Variants in RPL22L1 observed in about 807,000 individuals in gnomAD.
RPL22L1 encodes the protein ribosomal protein eL22-like.
A neutral mutation model predicts 17.3 loss-of-function variants in RPL22L1; 19 were observed. The ratio of observed to expected loss-of-function variants is 1.10; its 90% CI spans 0.77 to 1.61. The LOEUF is 1.61. Ranked by LOEUF, RPL22L1 falls within the 40% of genes most tolerant of loss-of-function variation. The pLI is 0.00. For synonymous variants in RPL22L1, 48 were observed against 48.5 expected (o/e 0.99, Z 0.05); for missense variants, 139 against 144.4 (o/e 0.96, Z 0.19).
In RPL22L1 at chr3:170,870,153, A is replaced by C. The variant is rs750615835; in HGVS notation, c.9+6T>G. 2 of 1,613,964 alleles carry C rather than the reference A, an allele frequency of 1.2e-6. No individual in the cohort carries two copies. Among genetic ancestry groups the C allele is most frequent in the African/African-American group, 1.3e-5 (1 of 75,022 alleles). ...CAACACTCCCACCAAGACATCGCTCACTCACCGGCGCCATCTTGCGAGTCG... is the reference window on the plus strand; with the variant it reads ...CAACACTCCCACCAAGACATCGCTCCCTCACCGGCGCCATCTTGCGAGTCG... On this transcript the variant is annotated splice_donor_region_variant and intron_variant, in intron 1 of 3. Transcript: ENST00000295830.
chr3:170,868,121 C>A lies in RPL22L1; in HGVS notation c.116G>T (p.Arg39Leu). 6.2e-7 allele frequency: 1 copy of A among 1,605,670 alleles called. No homozygotes were observed. The highest frequency in any genetic ancestry group is 8.5e-7 in the Non-Finnish European group (1 of 1,175,280). The change falls in exon 3 of 4, where the codon CGG becomes CTG. Residue 39 changes from arginine (R) to leucine (L), a missense_variant. Physicochemically the swap from Arg to Leu is moderately radical, Grantham distance 102. Transcript: ENST00000295830. ...TTTGCCATTGACTTTAACCTTCTCC[C>A]GTAGAAATTGCTCCTATTTTAAAAC... ...FDSGNFEQFL[R>L]EKVKVNGKTG... is the part of the protein sequence containing the mutation.
At chr3:170,868,565 C>T (rs1409135951) in intron 1 of RPL22L1, among the ~76,000 whole-genome samples, 175 bp from the exon 2 acceptor site, 1 of 152,000 alleles carries the variant, frequency 6.6e-6, no homozygotes, top group Admixed American at 6.6e-5. Flanking sequence ...TTGATTTGAA[C>T]CTCTAACCAA....
chr3:170,866,579 G>A, intron 3 of RPL22L1, 55 bp from the exon 4 acceptor site: 3 of 1,327,692 alleles, frequency 2.3e-6, no homozygotes, highest in Non-Finnish European at 2.1e-6. Flanking sequence ...ACTATGTAAA[G>A]GTTTACTATA....
chr3:170,868,717 G>C (rs1711866225), intron 1 of RPL22L1, among the ~76,000 whole-genome samples: 2 of 149,984 alleles, frequency 1.3e-5, no homozygotes, highest in Non-Finnish European at 3.0e-5. Flanking sequence ...CCCAAGCTCA[G>C]GTAAGTGCCA....
At chr3:170,868,471 T>C (rs1471669221) in intron 1 of RPL22L1, 81 bp from the exon 2 acceptor site, 1 of 848,938 alleles carries the variant, frequency 1.2e-6, no homozygotes, top group Admixed American at 2.2e-5. Flanking sequence ...TTTGTACCAA[T>C]GCAATCTGTA....
In RPL22L1 at chr3:170,866,348, A is replaced by G. The variant is rs1303676548; in HGVS notation, c.*32T>C. 2.0e-6 allele frequency: 3 copies of G among 1,524,246 alleles called. No homozygotes were observed. The Admixed American group carries it at 6.5e-5, about 33-fold the overall frequency. The allele number at this position is 1,524,246 out of a possible 1,614,324, so 94.4% of individuals were successfully genotyped here. A position where few individuals can be genotyped will look rare whatever the true frequency, so the allele number is the denominator to read the frequency against. On this transcript the variant is annotated 3_prime_UTR_variant, in exon 4 of 4. Coordinates refer to ENST00000295830, the MANE Select transcript of RPL22L1 (RefSeq NM_001099645.2). ...TCATGTATACTTCATTTATTTTATT[A>G]ATAAGCAAAGCCCTGTAAGGGGAGC...
At chr3:170,866,665 G>GA (rs1711781770) in intron 3 of RPL22L1, 141 bp from the exon 4 acceptor site, 2 of 612,802 alleles carry the variant, frequency 3.3e-6, no homozygotes, top group Admixed American at 2.9e-5. Context: ...CCATTCACAG[G>GA]ATGTATTGTG....
rs763418664 is a variant in RPL22L1 at position 170,870,190 on chromosome 3, A to G, written c.-23T>C. On this transcript the variant is annotated 5_prime_UTR_variant, in exon 1 of 4. Coordinates refer to ENST00000295830, the MANE Select transcript of RPL22L1 (RefSeq NM_001099645.2). ...CATCTTGCGAGTCGGCCGCGAGAGCAGAGAGGAAGCTACGGCCGCGCGGTC... is the reference window on the plus strand; with the variant it reads ...CATCTTGCGAGTCGGCCGCGAGAGCGGAGAGGAAGCTACGGCCGCGCGGTC... The G allele has an allele frequency of 3.0e-5, 49 of 1,613,696 alleles. No individual in the cohort carries two copies. The highest frequency in any genetic ancestry group is 3.8e-5 in the Non-Finnish European group (45 of 1,179,864).
intron 1 of RPL22L1, among the ~76,000 whole-genome samples, chr3:170,869,626 A>T (rs1252148215): frequency 2.6e-5 from 4 of 152,092 alleles, no homozygotes; most frequent in Non-Finnish European, 5.9e-5. Context: ...CGTTTATTTC[A>T]CATTGCTGGA....
chr3:170,868,012 C>T lies in RPL22L1; in HGVS notation c.224+1G>A. On this transcript the variant is annotated splice_donor_variant, in intron 3 of 3. Transcript: ENST00000295830. LOFTEE classifies it high-confidence loss of function. Reference sequence around the variant, plus strand: ...TTATTAAAATTTGCAAAAGTACCAACCTTTTAGAGAACTGTTTCTCAGAAA... The same window carrying T: ...TTATTAAAATTTGCAAAAGTACCAATCTTTTAGAGAACTGTTTCTCAGAAA... The T allele has an allele frequency of 1.3e-6, 2 of 1,589,220 alleles. No individual in the cohort carries two copies. The highest frequency in any genetic ancestry group is 1.7e-6 in the Non-Finnish European group (2 of 1,167,930).
In RPL22L1 at chr3:170,866,204, T is replaced by A. The variant is rs1430664456; in HGVS notation, c.*176A>T. 5.8e-6 allele frequency: 3 copies of A among 513,298 alleles called. No homozygotes were observed. Among genetic ancestry groups the A allele is most frequent in the Non-Finnish European group, 1.0e-5 (3 of 295,862 alleles). 31.8% of individuals were successfully genotyped at this position (513,298 alleles called of 1,614,324 possible). A position where few individuals can be genotyped will look rare whatever the true frequency, so the allele number is the denominator to read the frequency against. ...CTATAAGCTATTTAAATACTGTTGA[T>A]AGTTATCAGAGGGAAATCAAAATCA... is the stretch of plus-strand genomic sequence containing the variant. On this transcript the variant is annotated 3_prime_UTR_variant, in exon 4 of 4. Transcript: ENST00000295830.
chr3:170,867,216 T>C (rs1339045636), intron 3 of RPL22L1, among the ~76,000 whole-genome samples: 1 of 152,136 alleles, frequency 6.6e-6, no homozygotes, highest in African/African-American at 2.4e-5. Context: ...CAATAAACAA[T>C]TGCTTCCCAT....
Position 170,868,484 on chromosome 3 carries a change from A to T in RPL22L1, c.10-94T>A, listed in dbSNP as rs531060703. ...AGTTTGTACCAATGCAATCTGTACA[A>T]TGTACTGTTAGGTTACATATACAGA... On this transcript the variant is annotated intron_variant, in intron 1 of 3. Coordinates refer to ENST00000295830, the MANE Select transcript of RPL22L1 (RefSeq NM_001099645.2). The T allele has an allele frequency of 8.3e-6, 6 of 724,108 alleles. No individual in the cohort carries two copies. In the African/African-American group the frequency reaches 1.1e-4, roughly 13 times the overall value. The allele number at this position is 724,108 out of a possible 1,614,324, so 44.9% of individuals were successfully genotyped here.
chr3:170,869,249 A>C (rs1355559670), intron 1 of RPL22L1, among the ~76,000 whole-genome samples: 1 of 152,254 alleles, frequency 6.6e-6, no homozygotes, highest in Non-Finnish European at 1.5e-5. Flanking sequence ...CATTCACTGC[A>C]ATATGAACAA....
At chr3:170,867,924 C>A in intron 3 of RPL22L1, 89 bp downstream of exon 3, 1 of 1,062,182 alleles carries the variant, frequency 9.4e-7, no homozygotes, top group Non-Finnish European at 1.3e-6. Context: ...TTTATTCTTG[C>A]ATATAAACAG....
In RPL22L1 at chr3:170,869,962, G is replaced by C. The variant is rs112197467; in HGVS notation, c.9+197C>G. 2,775 of 815,956 alleles carry C rather than the reference G, an allele frequency of 3.4e-3. 65 individuals carry two copies. The African/African-American group carries it at 0.043, about 13-fold the overall frequency. 50.5% of individuals were successfully genotyped at this position (815,956 alleles called of 1,614,324 possible). On this transcript the variant is annotated intron_variant, in intron 1 of 3. Coordinates refer to ENST00000295830, the MANE Select transcript of RPL22L1 (RefSeq NM_001099645.2). ...TCCGGGCCCAGCTCCAACTCCACTA[G>C]ACCTCATGGCAGCTGCCAGGGAGTC...
In RPL22L1 at chr3:170,866,472, A is replaced by C. The variant is rs1711767270; in HGVS notation, c.277T>G (p.Trp93Gly). The change falls in exon 4 of 4, where the codon TGG becomes GGG. Residue 93 changes from tryptophan to glycine, a missense_variant. Coordinates refer to ENST00000295830, the MANE Select transcript of RPL22L1 (RefSeq NM_001099645.2). The stretch of plus-strand genomic sequence containing the variant: ...TTGTCAGATGCAACCACTCGAAGCC[A>C]ATCACGAAGATTGTTCTTCTTAAGG... ...KYLKKNNLRD[W>G]LRVVASDKET... The C allele has an allele frequency of 1.9e-6, 3 of 1,582,188 alleles. No homozygotes were observed. Among genetic ancestry groups the C allele is most frequent in the Non-Finnish European group, 1.7e-6 (2 of 1,162,724 alleles).
At position 170,866,091 on chromosome 3, in the gene RPL22L1, AGT is replaced by A; in HGVS notation, c.*287_*288del. The A allele has an allele frequency of 5.3e-6, 1 of 190,266 alleles. No individual in the cohort carries two copies. Among genetic ancestry groups the A allele is most frequent in the East Asian group, 1.3e-4 (1 of 7,948 alleles). The allele number at this position is 190,266 out of a possible 1,614,324, so 11.8% of individuals were successfully genotyped here. ...ACTCCAGCCTGGGTGACAGAACGAG[AGT>A]GTCTAAAAAAAAGATTTCCTATATA... On this transcript the variant is annotated 3_prime_UTR_variant, in exon 4 of 4. Coordinates refer to ENST00000295830, the MANE Select transcript of RPL22L1 (RefSeq NM_001099645.2).
Position 170,870,099 on chromosome 3 carries a change from G to A in RPL22L1, c.9+60C>T. 3 of 1,612,732 alleles carry A rather than the reference G, an allele frequency of 1.9e-6. No individual in the cohort carries two copies. In the South Asian group the frequency reaches 3.3e-5, roughly 18 times the overall value. On this transcript the variant is annotated intron_variant, in intron 1 of 3. Coordinates refer to ENST00000295830, the MANE Select transcript of RPL22L1 (RefSeq NM_001099645.2). Reference sequence around the variant, plus strand: ...TCTCCACTCGACAGATGCAAAAATCGTTACAGCGGAAATCATTAAATTGCC... The same window carrying A: ...TCTCCACTCGACAGATGCAAAAATCATTACAGCGGAAATCATTAAATTGCC...
Sources: allele counts gnomAD v4.1 joint callset (sites outside exome capture counted in the v4.1 genomes callset), GRCh38; gene constraint gnomAD v4.1.1; transcripts MANE v1.5; gene names NCBI Gene and HGNC (gene_info 2026-07-23, HGNC 2026-07-21).